DENND4B: variants seen among roughly 807,000 people sequenced by gnomAD.
The protein encoded by DENND4B is DENN domain-containing protein 4B.
DENND4B carries 67 observed loss-of-function variants against 161.0 expected under a neutral mutation model. The ratio of observed to expected loss-of-function variants is 0.42; its 90% confidence interval spans 0.34 to 0.51. DENND4B has a LOEUF of 0.51. Among genes scored for constraint, DENND4B ranks in the 20% least tolerant of loss-of-function variants. The pLI, the probability that DENND4B is intolerant of heterozygous loss-of-function variation, is 0.08. For missense variants in DENND4B, 1,481 were observed against 1,968.0 expected, an observed-to-expected ratio of 0.75 and a Z score of 4.68; for synonymous variants, 753 against 813.8, an observed-to-expected ratio of 0.93 and a Z score of 1.27.
rs1294065612 is a variant in DENND4B at position 153,940,590 on chromosome 1, T to G, written c.1343A>C (p.His448Pro). Residue 448 changes from histidine to proline, a missense_variant, in exon 10 of 28, where the codon CAC becomes CCC. Physicochemically the swap from His to Pro is moderately conservative, Grantham distance 77 (BLOSUM62 -2). Coordinates refer to ENST00000361217, the MANE Select transcript of DENND4B (RefSeq NM_014856.3). The surrounding 1 kb of genome is among the most constrained non-coding windows in gnomAD (Gnocchi z 5.6). Reference protein sequence around the residue: ...EALVSMIFPLHWQCPYIPLCP... With the variant: ...EALVSMIFPLPWQCPYIPLCP... The stretch of plus-strand genomic sequence containing the variant: ...CAGAGGAATGTAGGGGCACTGCCAG[T>G]GCAGTGGGAAGATCATCTGAAGCAC... The G allele has an allele frequency of 6.2e-7, 1 of 1,612,698 alleles. No homozygotes were observed. The highest frequency in any genetic ancestry group is 1.7e-5 in the Admixed American group (1 of 59,820).
rs1444176259 is a variant in DENND4B at position 153,942,527 on chromosome 1, A to G, written c.640+29T>C. On this transcript the variant is annotated intron_variant, in intron 4 of 27. Coordinates refer to ENST00000361217, the MANE Select transcript of DENND4B (RefSeq NM_014856.3). This position sits in a 1 kb window ranked among gnomAD's most constrained non-coding sequence, Gnocchi z 6.9. The stretch of plus-strand genomic sequence containing the variant: ...CCAGGGCAAAGGGATGTAGGGTCAC[A>G]GGATTGGAGGGATAAAGGGGCCACT... 1.3e-6 allele frequency: 2 copies of G among 1,585,912 alleles called. No individual in the cohort carries two copies. The highest frequency in any genetic ancestry group is 1.8e-5 in the Admixed American group (1 of 55,194).
rs752750941 is a variant in DENND4B at position 153,933,524 on chromosome 1, G to T, written c.3289C>A (p.Leu1097Ile). 1.4e-5 allele frequency: 21 copies of T among 1,551,950 alleles called. No homozygotes were observed. Among genetic ancestry groups the T allele is most frequent in the Non-Finnish European group, 1.8e-5 (21 of 1,149,870 alleles). Residue 1097 changes from leucine (L) to isoleucine (I), a missense_variant, in exon 20 of 28, where the codon CTT becomes ATT. Around this residue, in one of 3 missense-constraint regions of DENND4B, gnomAD observed 339 missense variants for 330.3 expected, o/e 1.03. Transcript: ENST00000361217. The surrounding 1 kb of genome is among the most constrained non-coding windows in gnomAD (Gnocchi z 5.7). ...PPARRSPMDS[L>I]LHPRERPGST... ...CCAGGGCGCTCCCGGGGGTGCAGAAGACTGTCCATGGGGCTGCGGCGGGCT... is the reference window on the plus strand; with the variant it reads ...CCAGGGCGCTCCCGGGGGTGCAGAATACTGTCCATGGGGCTGCGGCGGGCT...
rs759827690 is a variant in DENND4B, at chr1:153,934,300, G to T, written c.2776C>A (p.Pro926Thr). 18 of 1,583,676 alleles carry T rather than the reference G, an allele frequency of 1.1e-5. No homozygotes were observed. Among genetic ancestry groups the T allele is most frequent in the Non-Finnish European group, 1.4e-5 (16 of 1,167,626 alleles). The change falls in exon 19 of 28, where the codon CCC becomes ACC. Residue 926 changes from proline to threonine, a missense_variant and splice_region_variant. Around this residue, in one of 3 missense-constraint regions of DENND4B, gnomAD observed 339 missense variants for 330.3 expected, o/e 1.03. Coordinates refer to ENST00000361217, the MANE Select transcript of DENND4B (RefSeq NM_014856.3). This position sits in a 1 kb window ranked among gnomAD's most constrained non-coding sequence, Gnocchi z 5.3. ...GTAGGGGAAGGGCGCTCCAAATAGGGCTCTGTAAAAGACGAGAAGGGGTTT... is the reference window on the plus strand; with the variant it reads ...GTAGGGGAAGGGCGCTCCAAATAGGTCTCTGTAAAAGACGAGAAGGGGTTT... Reference protein sequence around the residue: ...HQEAGSSQAEPYLERPSPTRP... With the variant: ...HQEAGSSQAETYLERPSPTRP...
At chr1:153,935,419 T>C (rs1054004054) in intron 17 of DENND4B, among the ~76,000 whole-genome samples, 9 of 152,212 alleles carry the variant, frequency 5.9e-5, no homozygotes, top group African/African-American at 2.2e-4. Flanking sequence ...CAATCTTGGC[T>C]CACTGCAACC....
In DENND4B at chr1:153,934,814, GCTGCTGC is replaced by G; in HGVS notation, c.2712_2718del (p.Gln904HisfsTer43). On this transcript the variant is annotated frameshift_variant, in exon 18 of 28. Transcript: ENST00000361217. LOFTEE classifies it high-confidence loss of function. This position sits in a 1 kb window ranked among gnomAD's most constrained non-coding sequence, Gnocchi z 5.3. ...GCTGACACCTGCTCCTGCTGCTGCT[GCTGCTGC>G]TGCTGCTGTTGCTGCTGCTGCTGCT... is the stretch of plus-strand genomic sequence containing the variant. The G allele has an allele frequency of 7.8e-7, 1 of 1,284,758 alleles. No homozygotes were observed. The highest frequency in any genetic ancestry group is 1.1e-6 in the Non-Finnish European group (1 of 917,762). The allele number at this position is 1,284,758 out of a possible 1,614,324, so 79.6% of individuals were successfully genotyped here. A position where few individuals can be genotyped will look rare whatever the true frequency, so the allele number is the denominator to read the frequency against.
intron 6 of DENND4B, 93 bp downstream of exon 6, chr1:153,941,776 C>CGCGG: frequency 5.9e-6 from 3 of 509,988 alleles, no homozygotes; most frequent in Non-Finnish European, 1.1e-5. Flanking sequence ...CTGTGCCCAG[C>CGCGG]CCTCCCCCCA....
Position 153,934,065 on chromosome 1 carries a change from TC to T in DENND4B, c.2941+69del, listed in dbSNP as rs1679156003. ...CCGCCCTCCACTCTGTTTCTGGTCT[TC>T]CCCACCTCACTAGCAAGTGGTTAGG... On this transcript the variant is annotated intron_variant, in intron 19 of 27. Coordinates refer to ENST00000361217, the MANE Select transcript of DENND4B (RefSeq NM_014856.3). The surrounding 1 kb of genome is among the most constrained non-coding windows in gnomAD (Gnocchi z 5.3). The T allele has an allele frequency of 2.4e-5, 36 of 1,477,530 alleles. 2 individuals carry two copies. In the South Asian group the frequency reaches 5.1e-4, roughly 21 times the overall value. 91.5% of individuals were successfully genotyped at this position (1,477,530 alleles called of 1,614,324 possible).
At chr1:153,931,962 C>T (rs922461669) in intron 24 of DENND4B, among the ~76,000 whole-genome samples, 2 of 152,080 alleles carry the variant, frequency 1.3e-5, no homozygotes, top group Admixed American at 6.6e-5. Flanking sequence ...CACCACCAAG[C>T]CTGGCTAATT....
chr1:153,946,239 C>T lies in DENND4B; in HGVS notation c.-24+62G>A. ...TGGGGGCCATCCCCCACCCCGCCTG[C>T]CGCCCGCGCTCCCTCCTGCCCGTCC... On this transcript the variant is annotated intron_variant, in intron 1 of 27. Transcript: ENST00000361217. The surrounding 1 kb of genome is among the most constrained non-coding windows in gnomAD (Gnocchi z 6.3). 3.0e-6 allele frequency: 1 copy of T among 330,458 alleles called. No individual in the cohort carries two copies. The highest frequency in any genetic ancestry group is 5.5e-6 in the Non-Finnish European group (1 of 182,476). The allele number at this position is 330,458 out of a possible 1,614,324, so 20.5% of individuals were successfully genotyped here.
intron 6 of DENND4B, 96 bp downstream of exon 6, chr1:153,941,773 C>CTGGGGTG: frequency 7.0e-7 from 1 of 1,426,304 alleles, no homozygotes; most frequent in East Asian, 2.5e-5. Flanking sequence ...ACCCTGTGCC[C>CTGGGGTG]AGCCCTCCCC....
At chr1:153,941,773 C>CCGGG in intron 6 of DENND4B, 96 bp downstream of exon 6, 38 of 1,426,262 alleles carry the variant, frequency 2.7e-5, no homozygotes, top group Non-Finnish European at 3.0e-5. Context: ...ACCCTGTGCC[C>CCGGG]AGCCCTCCCC....
chr1:153,938,207 G>A (rs568117278), intron 13 of DENND4B, among the ~76,000 whole-genome samples: 2 of 152,168 alleles, frequency 1.3e-5, no homozygotes, highest in African/African-American at 2.4e-5. Flanking sequence ...CCAGGAGTTC[G>A]AGACCAGCCT....
At chr1:153,938,815 C>G in intron 13 of DENND4B, 85 bp downstream of exon 13, 3 of 1,464,480 alleles carry the variant, frequency 2.0e-6, no homozygotes, top group Non-Finnish European at 2.8e-6. Flanking sequence ...TGAACATGCC[C>G]GATTCCGTCT....
chr1:153,943,583 C>T lies in DENND4B; in HGVS notation c.318-453G>A, dbSNP rs562900288. ...GTCTCAGCTACTCAGGAAGCTGAGG[C>T]AGGAGAATTGCCTGAACCCAGGAGG... is the stretch of plus-strand genomic sequence containing the variant. On this transcript the variant is annotated intron_variant, in intron 2 of 27. Transcript: ENST00000361217. Among the ~76,000 whole-genome samples the T allele has an allele frequency of 5.4e-5, 8 of 147,714 alleles. No homozygotes were observed. The South Asian group carries it at 1.7e-3, about 31-fold the overall frequency.
chr1:153,946,653 C>G lies in DENND4B; in HGVS notation c.-376G>C. On this transcript the variant is annotated 5_prime_UTR_variant, in exon 1 of 28. Coordinates refer to ENST00000361217, the MANE Select transcript of DENND4B (RefSeq NM_014856.3). The surrounding 1 kb of genome is among the most constrained non-coding windows in gnomAD (Gnocchi z 6.3). ...CTACTCCCCCAACCCCCGCTCCGGG[C>G]CGCGGGCGCCGCCGCTACCCCCACC... 2.6e-6 allele frequency: 1 copy of G among 381,620 alleles called. No individual in the cohort carries two copies. The highest frequency in any genetic ancestry group is 4.6e-6 in the Non-Finnish European group (1 of 215,360). 23.6% of individuals were successfully genotyped at this position (381,620 alleles called of 1,614,324 possible).
chr1:153,934,012 C>T lies in DENND4B; in HGVS notation c.2941+123G>A. ...GATGATATTCTGGGCGAGATTCCCT[C>T]AGAATCTACAGCACCCACCACAGAG... On this transcript the variant is annotated intron_variant, in intron 19 of 27. Coordinates refer to ENST00000361217, the MANE Select transcript of DENND4B (RefSeq NM_014856.3). The surrounding 1 kb of genome is among the most constrained non-coding windows in gnomAD (Gnocchi z 5.3). The T allele has an allele frequency of 6.8e-7, 1 of 1,470,348 alleles. No individual in the cohort carries two copies. Among genetic ancestry groups the T allele is most frequent in the Non-Finnish European group, 9.0e-7 (1 of 1,105,846 alleles). 91.1% of individuals were successfully genotyped at this position (1,470,348 alleles called of 1,614,324 possible).
In DENND4B at chr1:153,932,929, T is replaced by C. The variant is rs1357635660; in HGVS notation, c.3555A>G (p.Thr1185=). 4 of 1,613,886 alleles carry C rather than the reference T, an allele frequency of 2.5e-6. No homozygotes were observed. In the African/African-American group the frequency reaches 5.3e-5, roughly 22 times the overall value. The part of the protein sequence containing the change: ...GWAPDDSNLN[T]TCPFCACPFV... Reference sequence around the variant, plus strand: ...AGGGGCAGGCGCAGAAGGGGCAGGTTGTGTTGAGGTTAGAGTCATCAGGTG... The same window carrying C: ...AGGGGCAGGCGCAGAAGGGGCAGGTCGTGTTGAGGTTAGAGTCATCAGGTG... Residue 1185 remains threonine (T), a synonymous_variant, in exon 22 of 28, where the codon ACA becomes ACG. Coordinates refer to ENST00000361217, the MANE Select transcript of DENND4B (RefSeq NM_014856.3). This position sits in a 1 kb window ranked among gnomAD's most constrained non-coding sequence, Gnocchi z 5.8.
At chr1:153,939,283 T>G (rs1419029947) in intron 12 of DENND4B, among the ~76,000 whole-genome samples, 3 of 146,148 alleles carry the variant, frequency 2.1e-5, no homozygotes, top group Middle Eastern at 3.6e-3. Flanking sequence ...CTGGGGGGGG[T>G]CTCCAAGGGC....
Position 153,933,086 on chromosome 1 carries a change from C to T in DENND4B, c.3454-56G>A. On this transcript the variant is annotated intron_variant, in intron 21 of 27. Transcript: ENST00000361217. The surrounding 1 kb of genome is among the most constrained non-coding windows in gnomAD (Gnocchi z 5.7). ...CTGTCTGGCCGCCAGCACTCTGGAG[C>T]CCATGCCCCTTCCCCAGCCCCTCCC... 1 of 1,610,424 alleles carries T rather than the reference C, an allele frequency of 6.2e-7. No individual in the cohort carries two copies. Among genetic ancestry groups the T allele is most frequent in the African/African-American group, 1.3e-5 (1 of 74,960 alleles).
Sources: gnomAD v4.1 joint callset for allele counts (sites outside exome capture counted in the v4.1 genomes callset) on GRCh38, gnomAD v4.1.1 for gene constraint, gnomAD v4.1.1 regional missense constraint, Gnocchi (gnomAD v3.1) non-coding constraint, MANE v1.5 for transcripts, NCBI Gene and HGNC (gene_info 2026-07-23, HGNC 2026-07-21) for gene names.